Variants in MAP3K5 observed in about 807,000 individuals in gnomAD.
The protein encoded by MAP3K5 is mitogen-activated protein kinase kinase kinase 5.
A neutral mutation model predicts 158.7 loss-of-function variants in MAP3K5; 56 were observed. The observed-to-expected ratio is 0.35, with a 90% CI of 0.28 to 0.44. The LOEUF is 0.44. Among genes scored for constraint, MAP3K5 ranks in the 20% least tolerant of loss-of-function variants. The pLI is 1.00. For missense variants in MAP3K5, 1,294 were observed against 1,674.8 expected, an observed-to-expected ratio of 0.77 and a Z score of 3.97; for synonymous variants, 579 against 601.7, an observed-to-expected ratio of 0.96 and a Z score of 0.55.
intron 21 of MAP3K5, among the ~76,000 whole-genome samples, chr6:136,596,405 G>C (rs758648278): frequency 6.6e-6 from 1 of 152,166 alleles, no homozygotes; most frequent in South Asian, 2.1e-4. Context: ...CCCAGTGATC[G>C]CGTGGAAGGG....
intron 25 of MAP3K5, among the ~76,000 whole-genome samples, chr6:136,573,975 G>A (rs1317529437): frequency 6.6e-6 from 1 of 150,760 alleles, no homozygotes; most frequent in African/African-American, 2.4e-5. Context: ...CTGTCACCCA[G>A]GCTGGAGTGC....
At chr6:136,724,206 T>TAA (rs2114795389) in intron 1 of MAP3K5, among the ~76,000 whole-genome samples, 1 of 149,304 alleles carries the variant, frequency 6.7e-6, no homozygotes, top group African/African-American at 2.4e-5. Flanking sequence ...TAAAATAAAA[T>TAA]AAAAACACTG....
chr6:136,769,815 ACGGG>A (rs1562691321), intron 1 of MAP3K5, among the ~76,000 whole-genome samples: 7 of 13,660 alleles, frequency 5.1e-4, no homozygotes, highest in Admixed American at 1.2e-3. Flanking sequence ...GAGGGAGGGG[ACGGG>A]AGGGAGGGAG....
At chr6:136,667,074 C>T (rs770923055) in intron 8 of MAP3K5, among the ~76,000 whole-genome samples, 1 of 152,174 alleles carries the variant, frequency 6.6e-6, no homozygotes, top group African/African-American at 2.4e-5. Flanking sequence ...AGAATAAGTA[C>T]ATTTTCAAAC....
chr6:136,769,367 C>CA (rs1301097043), intron 1 of MAP3K5, among the ~76,000 whole-genome samples: 4 of 152,046 alleles, frequency 2.6e-5, no homozygotes, highest in African/African-American at 9.7e-5. Context: ...TGGGGAGCAA[C>CA]AGCAAATTGG....
chr6:136,588,830 A>G lies in MAP3K5; in HGVS notation c.3225+3343T>C, dbSNP rs534826066. ...CCGCCACGAAGCATGCATGACACTC[A>G]TCCTCCCTGGACTCAGAGGCCAGCT... On this transcript the variant is annotated intron_variant, in intron 23 of 29. Coordinates refer to ENST00000359015, the MANE Select transcript of MAP3K5 (RefSeq NM_005923.4). Among the ~76,000 whole-genome samples the G allele has an allele frequency of 2.6e-5, 4 of 152,220 alleles. No homozygotes were observed. The South Asian group carries it at 8.3e-4, about 32-fold the overall frequency.
At chr6:136,639,337 G>C (rs1053221810) in intron 13 of MAP3K5, among the ~76,000 whole-genome samples, 4 of 151,744 alleles carry the variant, frequency 2.6e-5, no homozygotes, top group African/African-American at 9.7e-5. Context: ...AATAAGTTAT[G>C]ACTAAGATAA....
At chr6:136,671,774 C>T (rs754059615) in intron 7 of MAP3K5, among the ~76,000 whole-genome samples, 3 of 151,862 alleles carry the variant, frequency 2.0e-5, no homozygotes, top group African/African-American at 2.4e-5. Context: ...CCACCATGCC[C>T]GAATAATTTT....
At position 136,613,106 on chromosome 6, in the gene MAP3K5, C is replaced by G. The variant is rs373604748; in HGVS notation, c.2415+14G>C. The G allele has an allele frequency of 6.3e-7, 1 of 1,583,922 alleles. No homozygotes were observed. On this transcript the variant is annotated intron_variant, in intron 17 of 29. Transcript: ENST00000359015. This position sits in a 1 kb window ranked among gnomAD's most constrained non-coding sequence, Gnocchi z 4.0. ...AAGAAAGAACTCATGAAAATGAATGCTGGTGTACCTCACCTTTATGTCCCG... is the reference window on the plus strand; with the variant it reads ...AAGAAAGAACTCATGAAAATGAATGGTGGTGTACCTCACCTTTATGTCCCG...
intron 1 of MAP3K5, among the ~76,000 whole-genome samples, chr6:136,727,391 A>T (rs1049800721): frequency 6.6e-6 from 1 of 152,212 alleles, no homozygotes; most frequent in African/African-American, 2.4e-5. Context: ...CAGAGAATGT[A>T]TCTGCCAAAG....
At chr6:136,753,197 G>T (rs894682119) in intron 1 of MAP3K5, among the ~76,000 whole-genome samples, 1 of 152,138 alleles carries the variant, frequency 6.6e-6, no homozygotes, top group African/African-American at 2.4e-5. Flanking sequence ...TACACTTTAA[G>T]TACTTTTGTT....
intron 12 of MAP3K5, among the ~76,000 whole-genome samples, chr6:136,642,040 TAAAATAAAATAAA>T (rs1777989636): frequency 1.9e-5 from 2 of 107,020 alleles, no homozygotes. Context: ...AAAAATAAAA[TAAAATAAAATAAA>T]ATAAAATAAA....
At chr6:136,696,704 A>G (rs376082544) in intron 5 of MAP3K5, among the ~76,000 whole-genome samples, 23 of 152,346 alleles carry the variant, frequency 1.5e-4, no homozygotes, top group African/African-American at 5.5e-4. Context: ...AGACATGTCA[A>G]TAAAAATGAT....
intron 2 of MAP3K5, among the ~76,000 whole-genome samples, chr6:136,709,455 T>C (rs1781215903): frequency 6.6e-6 from 1 of 152,104 alleles, no homozygotes; most frequent in Non-Finnish European, 1.5e-5. Context: ...GTCTTGTCCT[T>C]GTGCTGCTAG....
chr6:136,698,084 C>T (rs879166196), intron 4 of MAP3K5, among the ~76,000 whole-genome samples: 2 of 152,222 alleles, frequency 1.3e-5, no homozygotes, highest in Admixed American at 1.3e-4. Context: ...ACCTTAACTT[C>T]CTGACTCAGC....
chr6:136,619,881 T>A (rs1776726202), intron 15 of MAP3K5, among the ~76,000 whole-genome samples: 1 of 152,192 alleles, frequency 6.6e-6, no homozygotes, highest in Non-Finnish European at 1.5e-5. Context: ...AGGAATCAAA[T>A]GAATCCTGGA....
At chr6:136,700,851 C>T (rs1562626308) in intron 3 of MAP3K5, among the ~76,000 whole-genome samples, 3 of 152,160 alleles carry the variant, frequency 2.0e-5, no homozygotes, top group Admixed American at 6.5e-5. Context: ...GAAAGAGATA[C>T]GTGGGACACC....
intron 23 of MAP3K5, among the ~76,000 whole-genome samples, chr6:136,588,171 TC>T (rs1775221481): frequency 6.6e-6 from 1 of 152,174 alleles, no homozygotes; most frequent in Non-Finnish European, 1.5e-5. Context: ...TTTCTTCACC[TC>T]CAATGCCTAA....
chr6:136,613,951 A>G lies in MAP3K5; in HGVS notation c.2278+208T>C, dbSNP rs965958527. Reference sequence around the variant, plus strand: ...CTGGGTGGCTATCCTCAAGCTTTGCACTGGAATAAACTCTATACATTAGGA... The same window carrying G: ...CTGGGTGGCTATCCTCAAGCTTTGCGCTGGAATAAACTCTATACATTAGGA... On this transcript the variant is annotated intron_variant, in intron 16 of 29. Transcript: ENST00000359015. This position sits in a 1 kb window ranked among gnomAD's most constrained non-coding sequence, Gnocchi z 4.0. 6.6e-6 allele frequency among the ~76,000 whole-genome samples: 1 copy of G among 152,178 alleles called. No homozygotes were observed. Among genetic ancestry groups the G allele is most frequent in the African/African-American group, 2.4e-5 (1 of 41,444 alleles).
Sources: gnomAD v4.1 joint callset for allele counts (sites outside exome capture counted in the v4.1 genomes callset) on GRCh38, gnomAD v4.1.1 for gene constraint, Gnocchi (gnomAD v3.1) non-coding constraint, MANE v1.5 for transcripts, NCBI Gene and HGNC (gene_info 2026-07-23, HGNC 2026-07-21) for gene names.